TMEM39A: variants seen among roughly 807,000 people sequenced by gnomAD.
TMEM39A encodes transmembrane protein 39A.
A neutral mutation model predicts 51.9 loss-of-function variants in TMEM39A; 19 were observed. The ratio of observed to expected loss-of-function variants is 0.37; its 90% confidence interval spans 0.26 to 0.54. The LOEUF (loss-of-function observed/expected upper bound fraction) is 0.54. Among genes scored for constraint, TMEM39A ranks in the 20% least tolerant of loss-of-function variants. The pLI is 0.88. For synonymous variants in TMEM39A, 197 were observed against 220.2 expected, an observed-to-expected ratio of 0.89 and a Z score of 0.93; for missense variants, 433 against 590.5, an observed-to-expected ratio of 0.73 and a Z score of 2.76.
intron 5 of TMEM39A, among the ~76,000 whole-genome samples, chr3:119,445,038 C>G (rs956039964): frequency 1.3e-5 from 2 of 151,804 alleles, no homozygotes; most frequent in African/African-American, 4.8e-5. Flanking sequence ...TGAGATCGCT[C>G]TACTGCACTC....
intron 2 of TMEM39A, among the ~76,000 whole-genome samples, chr3:119,458,993 G>A (rs1284717619): frequency 6.6e-6 from 1 of 152,206 alleles, no homozygotes; most frequent in Non-Finnish European, 1.5e-5. Context: ...CACATGTGAA[G>A]TGCTACTCAT....
chr3:119,434,942 G>T, intron 7 of TMEM39A, 60 bp from the exon 8 acceptor site: 1 of 1,574,900 alleles, frequency 6.3e-7, no homozygotes, highest in South Asian at 1.1e-5. Flanking sequence ...ATAGCATCTG[G>T]CAAGGCCAGC....
chr3:119,448,185 A>C (rs568980419), intron 4 of TMEM39A, among the ~76,000 whole-genome samples: 1 of 152,298 alleles, frequency 6.6e-6, no homozygotes, highest in East Asian at 1.9e-4. Context: ...TTTTTATCAC[A>C]GCTATTCAAA....
intron 4 of TMEM39A, chr3:119,451,240 CA>C (rs2081193642): frequency 1.6e-6 from 2 of 1,282,124 alleles, no homozygotes; most frequent in Non-Finnish European, 2.0e-6. Context: ...AAATGGTTTT[CA>C]GATCTTGACT....
Position 119,461,294 on chromosome 3 carries a change from G to C in TMEM39A, c.113+668C>G, listed in dbSNP as rs2081334020. ...GGTGGAAGAGGGATTGGAAAGTCAG[G>C]AAAAAAAAAGGACAAAGGTCAGGCC... is the stretch of plus-strand genomic sequence containing the variant. On this transcript the variant is annotated intron_variant, in intron 2 of 8. Transcript: ENST00000319172. Among the ~76,000 whole-genome samples the C allele has an allele frequency of 2.0e-5, 3 of 149,336 alleles. No individual in the cohort carries two copies. The South Asian group carries it at 6.3e-4, about 31-fold the overall frequency.
rs2081366121 is a variant in TMEM39A at position 119,463,406 on chromosome 3, G to A, written c.-145C>T. ...CGACAACTTTACAGACTGGACCCCA[G>A]GTAAGGGAACTCCCTCCCAGCGTTG... On this transcript the variant is annotated 5_prime_UTR_variant, in exon 1 of 9. Coordinates refer to ENST00000319172, the MANE Select transcript of TMEM39A (RefSeq NM_018266.3). 7.6e-6 allele frequency: 3 copies of A among 393,628 alleles called. No homozygotes were observed. In the Admixed American group the frequency reaches 1.3e-4, roughly 17 times the overall value. 24.4% of individuals were successfully genotyped at this position (393,628 alleles called of 1,614,324 possible). A position where few individuals can be genotyped will look rare whatever the true frequency, so the allele number is the denominator to read the frequency against.
chr3:119,457,973 C>A, intron 3 of TMEM39A, 45 bp downstream of exon 3: 1 of 1,453,334 alleles, frequency 6.9e-7, no homozygotes. Flanking sequence ...CAGGTAGTTT[C>A]TTGGGTAAGT....
At chr3:119,435,384 C>T (rs935672093) in intron 7 of TMEM39A, 1 of 985,106 alleles carries the variant, frequency 1.0e-6, no homozygotes, top group African/African-American at 1.7e-5. Context: ...AATTCAAATA[C>T]CTCACAACTG....
chr3:119,436,286 A>G (rs1041387462), intron 7 of TMEM39A, among the ~76,000 whole-genome samples: 5 of 152,194 alleles, frequency 3.3e-5, no homozygotes, highest in Non-Finnish European at 5.9e-5. Context: ...AATATTCAGT[A>G]GAGAGTTTAG....
At chr3:119,443,414 T>A (rs1323779961) in intron 5 of TMEM39A, among the ~76,000 whole-genome samples, 2 of 152,130 alleles carry the variant, frequency 1.3e-5, no homozygotes, top group Non-Finnish European at 2.9e-5. Context: ...TTGTCTTATT[T>A]TAAGAAAGTG....
chr3:119,462,382 T>C (rs1358428775), intron 1 of TMEM39A, among the ~76,000 whole-genome samples: 1 of 152,196 alleles, frequency 6.6e-6, no homozygotes, highest in Non-Finnish European at 1.5e-5. Context: ...TTTGTGTCTT[T>C]TGTCAACTGA....
chr3:119,450,416 G>C (rs1319831451), intron 4 of TMEM39A, among the ~76,000 whole-genome samples: 1 of 152,078 alleles, frequency 6.6e-6, no homozygotes, highest in Non-Finnish European at 1.5e-5. Flanking sequence ...CCATTATGTA[G>C]ATGTACCAAA....
intron 2 of TMEM39A, 65 bp from the exon 3 acceptor site, chr3:119,458,305 C>T: frequency 7.5e-7 from 1 of 1,329,410 alleles, no homozygotes; most frequent in South Asian, 1.2e-5. Flanking sequence ...ACATAAAGGG[C>T]TCCTGCTGTC....
chr3:119,432,936 C>A (rs748411167), intron 8 of TMEM39A, among the ~76,000 whole-genome samples: 1 of 152,098 alleles, frequency 6.6e-6, no homozygotes, highest in African/African-American at 2.4e-5. Flanking sequence ...GGGATTACTA[C>A]TATATTTACT....
intron 3 of TMEM39A, among the ~76,000 whole-genome samples, chr3:119,455,658 C>G (rs775506965): frequency 1.5e-4 from 23 of 152,316 alleles, no homozygotes; most frequent in Non-Finnish European, 2.8e-4. Flanking sequence ...GAGTCAGCAG[C>G]TATAACAGCA....
chr3:119,432,127 G>T lies in TMEM39A; in HGVS notation c.1321C>A (p.Arg441=). The T allele has an allele frequency of 6.2e-7, 1 of 1,613,214 alleles. No individual in the cohort carries two copies. The highest frequency in any genetic ancestry group is 1.1e-5 in the South Asian group (1 of 91,052). The change falls in exon 9 of 9, where the codon CGG becomes AGG. Residue 441 remains arginine (R), a synonymous_variant. Transcript: ENST00000319172. Reference sequence around the variant, plus strand: ...AGTGTGTGGTTCCACTTCTCCGACCGCAGCAAGGAATAGAGCTGATAGAAG... The same window carrying T: ...AGTGTGTGGTTCCACTTCTCCGACCTCAGCAAGGAATAGAGCTGATAGAAG... ...VVFYQLYSLL[R]SEKWNHTLSM... is the part of the protein sequence containing the mutation.
intron 4 of TMEM39A, among the ~76,000 whole-genome samples, chr3:119,447,794 T>C (rs2107676334): frequency 6.6e-6 from 1 of 152,146 alleles, no homozygotes; most frequent in South Asian, 2.1e-4. Context: ...CAGCTAATTT[T>C]TGTATTTTTA....
At chr3:119,452,745 A>G (rs887958635) in intron 3 of TMEM39A, among the ~76,000 whole-genome samples, 1 of 152,236 alleles carries the variant, frequency 6.6e-6, no homozygotes, top group African/African-American at 2.4e-5. Context: ...ATTTTAAACT[A>G]CCTGCAATAT....
At chr3:119,461,160 T>A (rs1201630618) in intron 2 of TMEM39A, among the ~76,000 whole-genome samples, 2 of 151,958 alleles carry the variant, frequency 1.3e-5, no homozygotes, top group East Asian at 3.9e-4. Flanking sequence ...TAAACAAAAC[T>A]CGGATTAAAA....
Sources: allele counts gnomAD v4.1 joint callset (sites outside exome capture counted in the v4.1 genomes callset), GRCh38; gene constraint gnomAD v4.1.1; transcripts MANE v1.5; gene names NCBI Gene and HGNC (gene_info 2026-07-23, HGNC 2026-07-21).